Variants in CPPED1 observed in about 807,000 individuals in gnomAD.
CPPED1 encodes serine/threonine-protein phosphatase CPPED1.
Under a neutral mutation model 28.0 loss-of-function variants are expected in CPPED1, and 28 were observed. That is an observed-to-expected ratio of 1.00 (90% CI 0.74 to 1.37). CPPED1 has a LOEUF of 1.37. CPPED1 is among the 40% of genes most tolerant of loss of function. The pLI is 0.00. For missense variants in CPPED1, 504 were observed against 416.5 expected (o/e 1.21, Z -1.83); for synonymous variants, 198 against 180.2 (o/e 1.10, Z -0.79).
intron 3 of CPPED1, among the ~76,000 whole-genome samples, chr16:12,666,189 C>G (rs1254708759): frequency 1.3e-5 from 2 of 151,938 alleles, no homozygotes; most frequent in South Asian, 2.1e-4. Flanking sequence ...ATATGATCAA[C>G]CCCCTCTGCT....
chr16:12,755,994 G>A (rs1034075177), intron 2 of CPPED1, among the ~76,000 whole-genome samples: 6 of 152,108 alleles, frequency 3.9e-5, no homozygotes, highest in Admixed American at 1.3e-4. Context: ...AGCCGGGCGT[G>A]GTCGCGGGCA....
At chr16:12,701,709 T>C (rs1226219539) in intron 3 of CPPED1, among the ~76,000 whole-genome samples, 1 of 152,074 alleles carries the variant, frequency 6.6e-6, no homozygotes, top group African/African-American at 2.4e-5. Flanking sequence ...TGCTGTTAGG[T>C]GCAGAATGAA....
At chr16:12,786,976 C>A (rs957389334) in intron 1 of CPPED1, among the ~76,000 whole-genome samples, 8 of 152,182 alleles carry the variant, frequency 5.3e-5, no homozygotes, top group African/African-American at 1.9e-4. Context: ...TACTACATGA[C>A]TTCATGGAAA....
intron 3 of CPPED1, among the ~76,000 whole-genome samples, chr16:12,703,956 T>C (rs778760766): frequency 6.6e-6 from 1 of 152,090 alleles, no homozygotes; most frequent in Non-Finnish European, 1.5e-5. Context: ...GTCTGTCACA[T>C]ATATCACTGG....
chr16:12,726,987 G>A (rs906943536), intron 2 of CPPED1, among the ~76,000 whole-genome samples: 3 of 152,106 alleles, frequency 2.0e-5, no homozygotes, highest in Non-Finnish European at 4.4e-5. Context: ...TTATGCCAGA[G>A]CTGTCAGGGG....
intron 2 of CPPED1, among the ~76,000 whole-genome samples, chr16:12,743,764 G>A (rs1353335769): frequency 2.0e-5 from 3 of 152,156 alleles, no homozygotes; most frequent in Non-Finnish European, 2.9e-5. Flanking sequence ...AGCACTTTAG[G>A]AGGTCAAGGC....
chr16:12,713,246 TCAA>T (rs1457534950), intron 2 of CPPED1, among the ~76,000 whole-genome samples: 2 of 152,238 alleles, frequency 1.3e-5, no homozygotes, highest in Non-Finnish European at 2.9e-5. Flanking sequence ...ACTTTAAACG[TCAA>T]CACCTAGTGA....
At chr16:12,784,176 G>A (rs2080548951) in intron 1 of CPPED1, among the ~76,000 whole-genome samples, 1 of 152,200 alleles carries the variant, frequency 6.6e-6, no homozygotes, top group African/African-American at 2.4e-5. Flanking sequence ...CTGTCATGTT[G>A]TGAATATCCC....
intron 2 of CPPED1, among the ~76,000 whole-genome samples, chr16:12,710,454 CA>C (rs201222533): frequency 0.048 from 5,099 of 106,672 alleles, 125 homozygotes; most frequent in East Asian, 0.15. Flanking sequence ...TGTTACAGGC[CA>C]AAAAAAAAAA....
chr16:12,709,905 GGGGAAGGAAGGGAAGGAAGGGAAGGAA>G lies in CPPED1; in HGVS notation c.290-4883_290-4857del, dbSNP rs113544358. Among the ~76,000 whole-genome samples, 1 of 134,988 alleles carries G rather than the reference GGGGAAGGAAGGGAAGGAAGGGAAGGAA, an allele frequency of 7.4e-6. No individual in the cohort carries two copies. The highest frequency in any genetic ancestry group is 2.9e-5 in the African/African-American group (1 of 34,064). The allele number at this position is 134,988 out of a possible 152,430, so 88.6% of individuals were successfully genotyped here. On this transcript the variant is annotated intron_variant, in intron 2 of 3. Transcript: ENST00000381774. The surrounding 1 kb of genome is among the most constrained non-coding windows in gnomAD (Gnocchi z 4.4). ...AGGAAGGGAAGGAAGGGAAAGACGG[GGGGAAGGAAGGGAAGGAAGGGAAGGAA>G]GGGAAGGAAGGGAGGAAGGAAAGAA...
intron 1 of CPPED1, among the ~76,000 whole-genome samples, chr16:12,803,182 C>T (rs1042093485): frequency 6.6e-6 from 1 of 152,192 alleles, no homozygotes; most frequent in African/African-American, 2.4e-5. Context: ...TCTCGAATGC[C>T]CTCCCTCTCT....
chr16:12,689,144 G>C (rs960044989), intron 3 of CPPED1, among the ~76,000 whole-genome samples: 6 of 149,608 alleles, frequency 4.0e-5, no homozygotes, highest in African/African-American at 1.5e-4. Context: ...TTAATGACAT[G>C]AGATAATGCT....
intron 2 of CPPED1, among the ~76,000 whole-genome samples, chr16:12,738,815 T>A (rs1286698677): frequency 6.6e-6 from 1 of 152,166 alleles, no homozygotes; most frequent in Non-Finnish European, 1.5e-5. Context: ...AAATTACAGA[T>A]TCAATATATT....
intron 2 of CPPED1, among the ~76,000 whole-genome samples, chr16:12,770,961 C>T (rs11075155): frequency 3.4e-4 from 52 of 151,488 alleles, no homozygotes; most frequent in African/African-American, 1.2e-3. Flanking sequence ...ACAGTGACCC[C>T]GAGGGAAGCA....
At chr16:12,739,206 C>T (rs966808020) in intron 2 of CPPED1, among the ~76,000 whole-genome samples, 10 of 152,296 alleles carry the variant, frequency 6.6e-5, no homozygotes, top group African/African-American at 2.2e-4. Context: ...GAGAGACTGG[C>T]TTGCCCTGGA....
At chr16:12,764,807 T>C (rs368768111) in intron 2 of CPPED1, among the ~76,000 whole-genome samples, 1 of 152,236 alleles carries the variant, frequency 6.6e-6, no homozygotes, top group African/African-American at 2.4e-5. Flanking sequence ...ACTCTGCCTG[T>C]CTAGCCTGTA....
rs11441328 is a variant in CPPED1 at position 12,785,936 on chromosome 16, GA to G, written c.71-4534del. ...AGTATGACAGTATTTGTCATTACTG[GA>G]AAAAAAAAAAAAACCAAAAGACACT... On this transcript the variant is annotated intron_variant, in intron 1 of 3. Transcript: ENST00000381774. Among the ~76,000 whole-genome samples, 207 of 136,720 alleles carry G rather than the reference GA, an allele frequency of 1.5e-3. 1 individual carries two copies. In the South Asian group the frequency reaches 0.02, roughly 13 times the overall value. The allele number at this position is 136,720 out of a possible 152,430, so 89.7% of individuals were successfully genotyped here. A position where few individuals can be genotyped will look rare whatever the true frequency, so the allele number is the denominator to read the frequency against.
intron 1 of CPPED1, among the ~76,000 whole-genome samples, chr16:12,786,673 C>A (rs979453467): frequency 6.6e-6 from 1 of 152,178 alleles, no homozygotes; most frequent in African/African-American, 2.4e-5. Context: ...GTAATCCCAG[C>A]ACTTTGGGAG....
chr16:12,773,747 C>A (rs1375476711), intron 2 of CPPED1, among the ~76,000 whole-genome samples: 3 of 152,104 alleles, frequency 2.0e-5, no homozygotes. Flanking sequence ...CATAAAAATA[C>A]ACAAATAAAT....
Sources: allele counts gnomAD v4.1 joint callset (sites outside exome capture counted in the v4.1 genomes callset), GRCh38; gene constraint gnomAD v4.1.1; non-coding constraint Gnocchi (gnomAD v3.1); transcripts MANE v1.5; gene names NCBI Gene and HGNC (gene_info 2026-07-23, HGNC 2026-07-21).